CALN1: variants seen among roughly 807,000 people sequenced by gnomAD.
CALN1 encodes the protein calcium-binding protein 8.
Under a neutral mutation model 30.6 loss-of-function variants are expected in CALN1, and 17 were observed. The ratio of observed to expected loss-of-function variants is 0.56; its 90% CI spans 0.38 to 0.83. The LOEUF (loss-of-function observed/expected upper bound fraction) is 0.83, where lower values mean the gene tolerates loss of function less well. Ranked by LOEUF, CALN1 falls within the 40% of genes least tolerant of loss-of-function variation. The pLI, the probability that CALN1 is intolerant of heterozygous loss-of-function variation, is 0.00. For synonymous variants in CALN1, 156 were observed against 131.4 expected (o/e 1.19, Z -1.28); for missense variants, 291 against 354.9 (o/e 0.82, Z 1.45).
intron 6 of CALN1, among the ~76,000 whole-genome samples, chr7:71,796,204 A>G (rs1234625515): frequency 6.6e-6 from 1 of 151,678 alleles, no homozygotes; most frequent in Non-Finnish European, 1.5e-5. Flanking sequence ...TAAGCTATAA[A>G]CGTTTGGGTT....
chr7:71,959,586 A>C (rs909782089), intron 5 of CALN1, among the ~76,000 whole-genome samples: 4 of 151,256 alleles, frequency 2.6e-5, no homozygotes, highest in Non-Finnish European at 5.9e-5. Context: ...GGACATCTCT[A>C]CATATTCCAG....
chr7:72,364,811 T>A (rs949107481), intron 2 of CALN1, among the ~76,000 whole-genome samples: 2 of 152,204 alleles, frequency 1.3e-5, no homozygotes, highest in African/African-American at 4.8e-5. Context: ...TGATTTGTTA[T>A]TCAAAAGTAG....
chr7:72,187,197 T>G (rs73704307), intron 3 of CALN1, among the ~76,000 whole-genome samples: 38,134 of 151,960 alleles, frequency 0.25, 5,992 homozygotes, highest in East Asian at 0.68. Flanking sequence ...ATGGATGAAA[T>G]GGATGAAAAA....
rs898017501 is a variant in CALN1, at chr7:72,079,916, A to G, written c.388+26235T>C. On this transcript the variant is annotated intron_variant, in intron 4 of 6. Coordinates refer to ENST00000395275, the MANE Select transcript of CALN1 (RefSeq NM_031468.4). Reference sequence around the variant, plus strand: ...CTCCCGAGTAGCTGGGATTACAGGCATCTGCCACGATGCCCAGCTAATTTT... The same window carrying G: ...CTCCCGAGTAGCTGGGATTACAGGCGTCTGCCACGATGCCCAGCTAATTTT... Among the ~76,000 whole-genome samples the G allele has an allele frequency of 2.6e-5, 4 of 151,888 alleles. No individual in the cohort carries two copies. In the South Asian group the frequency reaches 8.3e-4, roughly 32 times the overall value.
rs1326864534 is a variant in CALN1 at position 71,879,553 on chromosome 7, CTGT to C, written c.502-69064_502-69062del. Among the ~76,000 whole-genome samples, 4 of 152,188 alleles carry C rather than the reference CTGT, an allele frequency of 2.6e-5. No homozygotes were observed. The East Asian group carries it at 7.7e-4, about 29-fold the overall frequency. Reference sequence around the variant, plus strand: ...GAAAGTTGTAGAGACCTGTCCCCTCCTGTTGTTACTTCCCCAGCTGGGCTGAGT... The same window carrying C: ...GAAAGTTGTAGAGACCTGTCCCCTCCTGTTACTTCCCCAGCTGGGCTGAGT... On this transcript the variant is annotated intron_variant, in intron 5 of 6. Transcript: ENST00000395275.
intron 3 of CALN1, among the ~76,000 whole-genome samples, chr7:72,143,706 T>C (rs1810130847): frequency 6.6e-6 from 1 of 151,872 alleles, no homozygotes; most frequent in African/African-American, 2.4e-5. Flanking sequence ...AAGAAAAAAA[T>C]GTTAAGGGCA....
chr7:72,443,077 A>G (rs1283659648), intron 1 of CALN1, among the ~76,000 whole-genome samples: 1 of 152,222 alleles, frequency 6.6e-6, no homozygotes, highest in Non-Finnish European at 1.5e-5. Context: ...AGGATTGAGC[A>G]TTATTAAGGG....
intron 3 of CALN1, among the ~76,000 whole-genome samples, chr7:72,226,525 G>C (rs1362758227): frequency 6.6e-6 from 1 of 152,134 alleles, no homozygotes; most frequent in African/African-American, 2.4e-5. Context: ...ACATTGTTAG[G>C]ACTTCCTCTA....
chr7:71,933,800 A>G (rs1305582232), intron 5 of CALN1, among the ~76,000 whole-genome samples: 1 of 152,182 alleles, frequency 6.6e-6, no homozygotes. Context: ...AGGTATCATA[A>G]GTCACACGGT....
At chr7:71,790,347 A>AAAGAAAGAAAG (rs1477771636) in intron 6 of CALN1, among the ~76,000 whole-genome samples, 1 of 115,560 alleles carries the variant, frequency 8.7e-6, no homozygotes, top group Non-Finnish European at 1.7e-5. Flanking sequence ...AGAAAGAAAG[A>AAAGAAAGAAAG]AAAGAAAGAA....
chr7:72,232,024 A>G (rs1362267927), intron 3 of CALN1, among the ~76,000 whole-genome samples: 1 of 152,154 alleles, frequency 6.6e-6, no homozygotes, highest in African/African-American at 2.4e-5. Flanking sequence ...GGGATATTGG[A>G]TGCATAAAAC....
At chr7:71,795,314 G>A (rs976068267) in intron 6 of CALN1, among the ~76,000 whole-genome samples, 5 of 151,866 alleles carry the variant, frequency 3.3e-5, no homozygotes. Flanking sequence ...GCCACTGTGC[G>A]TGCCCGGCCA....
chr7:71,991,900 G>C (rs963018060), intron 5 of CALN1, among the ~76,000 whole-genome samples: 5 of 152,236 alleles, frequency 3.3e-5, no homozygotes, highest in African/African-American at 1.2e-4. Flanking sequence ...AATCTAAGCT[G>C]TTGGAACTTT....
At chr7:72,490,236 T>C in the CALN1 span, among the ~76,000 whole-genome samples, 1 of 152,150 alleles carries the variant, frequency 6.6e-6, no homozygotes, top group Non-Finnish European at 1.5e-5. Flanking sequence ...TTCCAGCAAG[T>C]AGAAGACCTT....
chr7:71,828,765 T>C (rs1235531039), intron 5 of CALN1, among the ~76,000 whole-genome samples: 2 of 151,036 alleles, frequency 1.3e-5, no homozygotes, highest in African/African-American at 2.5e-5. Context: ...GTGTGTTTTT[T>C]TGAGACGGAA....
chr7:72,129,722 T>C (rs1047793030), intron 3 of CALN1, among the ~76,000 whole-genome samples: 1 of 152,186 alleles, frequency 6.6e-6, no homozygotes, highest in African/African-American at 2.4e-5. Flanking sequence ...TTAGCATTCA[T>C]GACACTCAAA....
intron 5 of CALN1, among the ~76,000 whole-genome samples, chr7:71,866,599 T>A (rs1373906791): frequency 1.3e-5 from 2 of 152,148 alleles, no homozygotes; most frequent in Admixed American, 1.3e-4. Context: ...AGCAAGCTAA[T>A]AATGGAATGA....
At chr7:72,028,101 C>T (rs956566896) in intron 4 of CALN1, among the ~76,000 whole-genome samples, 3 of 144,772 alleles carry the variant, frequency 2.1e-5, no homozygotes, top group African/African-American at 7.5e-5. Flanking sequence ...GAGACCTGAT[C>T]TAAGATATGC....
intron 4 of CALN1, among the ~76,000 whole-genome samples, chr7:72,034,702 C>T (rs980924054): frequency 6.8e-6 from 1 of 147,466 alleles, no homozygotes; most frequent in Non-Finnish European, 1.5e-5. Context: ...GCATGAGAAT[C>T]GCTTGAACCT....
Sources: allele counts gnomAD v4.1 joint callset (sites outside exome capture counted in the v4.1 genomes callset), GRCh38; gene constraint gnomAD v4.1.1; transcripts MANE v1.5; gene names NCBI Gene and HGNC (gene_info 2026-07-23, HGNC 2026-07-21).